The following KMT2C variants were observed in gnomAD, a reference collection of about 807,000 sequenced individuals.
KMT2C encodes the protein lysine methyltransferase 2C.
Under a neutral mutation model 507.9 loss-of-function variants are expected in KMT2C, and 88 were observed. That is an observed-to-expected ratio of 0.17 (90% CI 0.15 to 0.21). The LOEUF (loss-of-function observed/expected upper bound fraction) is 0.21. KMT2C is among the 10% of genes least tolerant of loss of function. The pLI, the probability that KMT2C is intolerant of heterozygous loss-of-function variation, is 1.00. For synonymous variants in KMT2C, 2,049 were observed against 2,080.8 expected (o/e 0.98, Z 0.42); for missense variants, 4,954 against 5,957.8 (o/e 0.83, Z 5.55).
intron 1 of KMT2C, among the ~76,000 whole-genome samples, chr7:152,413,810 A>C (rs73164552): frequency 3.7e-5 from 5 of 135,198 alleles, no homozygotes; most frequent in Non-Finnish European, 6.4e-5. Flanking sequence ...GCTTGAACCC[A>C]GGAGGCGGAG....
intron 2 of KMT2C, among the ~76,000 whole-genome samples, chr7:152,354,079 G>C (rs554496697): frequency 6.6e-6 from 1 of 152,172 alleles, no homozygotes; most frequent in East Asian, 1.9e-4. Context: ...GACTTTCCAA[G>C]GACAAAGACA....
intron 18 of KMT2C, among the ~76,000 whole-genome samples, chr7:152,227,856 A>C (rs1588397399): frequency 6.6e-6 from 1 of 152,200 alleles, no homozygotes. Flanking sequence ...AAAAGGCTCA[A>C]AGACAAGTGA....
intron 1 of KMT2C, among the ~76,000 whole-genome samples, chr7:152,415,681 C>A (rs78667396): frequency 6.6e-6 from 1 of 151,980 alleles, no homozygotes; most frequent in African/African-American, 2.4e-5. Context: ...GTGCTCGAGA[C>A]CAGCCTGGCC....
intron 3 of KMT2C, among the ~76,000 whole-genome samples, chr7:152,322,192 G>A (rs1287110160): frequency 2.0e-5 from 3 of 151,738 alleles, no homozygotes; most frequent in South Asian, 2.1e-4. Context: ...GTGAAACCCC[G>A]TCTCTACTAA....
At chr7:152,239,945 G>C (rs2095353650) in intron 14 of KMT2C, among the ~76,000 whole-genome samples, 1 of 152,216 alleles carries the variant, frequency 6.6e-6, no homozygotes, top group African/African-American at 2.4e-5. Flanking sequence ...TACTCTTGGG[G>C]TAAGAGATAG....
Position 152,194,033 on chromosome 7 carries a change from G to T in KMT2C, c.4636C>A (p.Gln1546Lys). 2 of 1,579,602 alleles carry T rather than the reference G, an allele frequency of 1.3e-6. No homozygotes were observed. Among genetic ancestry groups the T allele is most frequent in the Non-Finnish European group, 1.7e-6 (2 of 1,168,804 alleles). Residue 1546 changes from glutamine (Q) to lysine (K), a missense_variant, in exon 31 of 59, where the codon CAG becomes AAG. Physicochemically the swap from Gln to Lys is moderately conservative, Grantham distance 53. Transcript: ENST00000262189. The part of the protein sequence containing the change: ...TPLPQPPPPT[Q>K]LLPIHNQDAF... The stretch of plus-strand genomic sequence containing the variant: ...CCCTGATTGTGTATTGGCAACAGCT[G>T]TGTTGGTGGGGGAGGCTGTGGCAAT...
chr7:152,184,557 A>G (rs1410052517), intron 34 of KMT2C, among the ~76,000 whole-genome samples: 5 of 152,324 alleles, frequency 3.3e-5, no homozygotes, highest in Middle Eastern at 3.4e-3. Context: ...AGATGCACAA[A>G]GATTCTCTAT....
intron 1 of KMT2C, among the ~76,000 whole-genome samples, chr7:152,388,591 A>G (rs529500950): frequency 3.3e-5 from 5 of 152,424 alleles, no homozygotes; most frequent in African/African-American, 9.6e-5. Flanking sequence ...GTATCTAATC[A>G]GGAGATTTTG....
At position 152,295,040 on chromosome 7, in the gene KMT2C, G is replaced by A. The variant is rs1209495005; in HGVS notation, c.849+14926C>T. ...CTCAGCACAACCAAACAAAACTTGT[G>A]ATCTTCCAACATACTTAGACTTGAA... On this transcript the variant is annotated intron_variant, in intron 6 of 58. Transcript: ENST00000262189. Among the ~76,000 whole-genome samples the A allele has an allele frequency of 3.3e-5, 5 of 151,974 alleles. No homozygotes were observed. In the East Asian group the frequency reaches 9.7e-4, roughly 29 times the overall value.
At chr7:152,309,165 T>C (rs1449151806) in intron 6 of KMT2C, among the ~76,000 whole-genome samples, 2 of 152,170 alleles carry the variant, frequency 1.3e-5, no homozygotes, top group Non-Finnish European at 2.9e-5. Context: ...AATAGTTTTG[T>C]CTTAAAAAGT....
chr7:152,330,578 T>C (rs560769827), intron 3 of KMT2C, 23 bp downstream of exon 3: 2 of 1,610,686 alleles, frequency 1.2e-6, no homozygotes, highest in East Asian at 2.2e-5. Flanking sequence ...TAATATCCAA[T>C]CCAGCTGCAT....
rs770259737 is a variant in KMT2C, at chr7:152,177,410, A to G, written c.8043T>C (p.Pro2681=). The part of the protein sequence containing the change: ...TSDNLQITTQ[P]SDGLEEKLDS... ...CAAGTTTTTCCTCTAGACCATCAGA[A>G]GGCTGGGTGGTTATCTGTAAATTAT... Residue 2681 remains proline (P), a synonymous_variant, in exon 38 of 59, where the codon CCT becomes CCC. Coordinates refer to ENST00000262189, the MANE Select transcript of KMT2C (RefSeq NM_170606.3). The G allele has an allele frequency of 2.5e-6, 4 of 1,614,058 alleles. No individual in the cohort carries two copies. In the African/African-American group the frequency reaches 4.0e-5, roughly 16 times the overall value.
intron 9 of KMT2C, among the ~76,000 whole-genome samples, chr7:152,259,591 T>C (rs1323307035): frequency 6.6e-6 from 1 of 152,152 alleles, no homozygotes; most frequent in Non-Finnish European, 1.5e-5. Flanking sequence ...CTCCAACTTT[T>C]AGAGTTTGAA....
intron 1 of KMT2C, among the ~76,000 whole-genome samples, chr7:152,388,388 G>A (rs1317654074): frequency 2.0e-5 from 3 of 151,936 alleles, no homozygotes; most frequent in African/African-American, 2.4e-5. Context: ...GTGAAACCCC[G>A]TCTCTACTAA....
At position 152,135,434 on chromosome 7, in the gene KMT2C, TACAAAC is replaced by T. The variant is rs1361013106; in HGVS notation, c.*1392_*1397del. Reference sequence around the variant, plus strand: ...TAAAGAAATGTAAACAAACAGTTCATACAAACACATTTTAAAATTACATCTTCCAAA... The same window carrying T: ...TAAAGAAATGTAAACAAACAGTTCATACATTTTAAAATTACATCTTCCAAA... On this transcript the variant is annotated 3_prime_UTR_variant, in exon 59 of 59. Transcript: ENST00000262189. 2 of 218,132 alleles carry T rather than the reference TACAAAC, an allele frequency of 9.2e-6. No homozygotes were observed. The highest frequency in any genetic ancestry group is 1.9e-4 in the South Asian group (1 of 5,400). 13.5% of individuals were successfully genotyped at this position (218,132 alleles called of 1,614,324 possible).
chr7:152,330,857 T>C (rs2096875598), intron 2 of KMT2C, 118 bp from the exon 3 acceptor site: 2 of 943,898 alleles, frequency 2.1e-6, no homozygotes, highest in Non-Finnish European at 3.2e-6. Flanking sequence ...ATAACAATAT[T>C]TCACTAACAC....
chr7:152,150,861 G>C (rs3757422), intron 51 of KMT2C, 39 bp downstream of exon 51: 2 of 1,349,300 alleles, frequency 1.5e-6, no homozygotes, highest in Non-Finnish European at 1.1e-6. Context: ...GAAGTCACTC[G>C]TTACACATTG....
chr7:152,418,672 T>G (rs946686067), intron 1 of KMT2C, among the ~76,000 whole-genome samples: 3 of 151,566 alleles, frequency 2.0e-5, no homozygotes, highest in African/African-American at 7.3e-5. Flanking sequence ...CCTTGTGATA[T>G]GCCTGCCTCA....
At chr7:152,259,445 C>T (rs549891185) in intron 9 of KMT2C, among the ~76,000 whole-genome samples, 11 of 97,740 alleles carry the variant, frequency 1.1e-4, no homozygotes, top group Middle Eastern at 4.4e-3. Context: ...CACACACACG[C>T]GCACACACAC....
Sources: allele counts gnomAD v4.1 joint callset (sites outside exome capture counted in the v4.1 genomes callset), GRCh38; gene constraint gnomAD v4.1.1; transcripts MANE v1.5; gene names NCBI Gene and HGNC (gene_info 2026-07-23, HGNC 2026-07-21).